The following MYH13 variants were observed in gnomAD, a reference collection of about 807,000 sequenced individuals.
The protein encoded by MYH13 is myosin-13.
In MYH13, 177 loss-of-function variants were observed where a neutral mutation model predicts 232.1. That is an observed-to-expected ratio of 0.76 (90% CI 0.67 to 0.86). The LOEUF is 0.86. Among genes scored for constraint, MYH13 ranks in the 40% least tolerant of loss-of-function variants. The pLI is 0.00. For missense variants in MYH13, 2,246 were observed against 2,405.9 expected, an observed-to-expected ratio of 0.93 and a Z score of 1.39; for synonymous variants, 884 against 923.5, an observed-to-expected ratio of 0.96 and a Z score of 0.78.
chr17:10,316,130 A>G, intron 27 of MYH13, 105 bp from the exon 28 acceptor site: 1 of 1,386,762 alleles, frequency 7.2e-7, no homozygotes, highest in South Asian at 1.4e-5. Flanking sequence ...GTAAAATAAA[A>G]ATAAAAGTAC....
In MYH13 at chr17:10,343,905, C is replaced by G; in HGVS notation, c.1789G>C (p.Asp597His). The part of the protein sequence containing the change: ...TVDYNIAGWL[D>H]KNKDPLNETV... ...TCGTTCAGGGGGTCCTTGTTTTTGT[C>G]CAGCCAGCCGGCGATGTTGTAGTCC... The change falls in exon 16 of 41, where the codon GAC becomes CAC. Residue 597 changes from aspartate (D) to histidine (H), a missense_variant. Asp to His is a moderately conservative substitution (Grantham distance 81). Coordinates refer to ENST00000252172, the MANE Select transcript of MYH13 (RefSeq NM_003802.3). The G allele has an allele frequency of 6.2e-7, 1 of 1,614,214 alleles. No individual in the cohort carries two copies. The highest frequency in any genetic ancestry group is 8.5e-7 in the Non-Finnish European group (1 of 1,180,032).
chr17:10,321,310 A>G (rs1906931074), intron 24 of MYH13, among the ~76,000 whole-genome samples: 1 of 152,120 alleles, frequency 6.6e-6, no homozygotes, highest in Non-Finnish European at 1.5e-5. Context: ...AGATGGAGCT[A>G]TTTACATCGC....
rs1219671921 is a variant in MYH13, at chr17:10,301,605, G to C, written c.5766C>G (p.Asn1922Lys). The part of the protein sequence containing the change: ...ERADIAESQV[N>K]KLRAKSRDVG... ...CGTCTCGGCTCTTGGCCCTCAGCTT[G>C]TTGACCTGGGACTCAGCGATGTCCG... Residue 1922 changes from asparagine (N) to lysine (K), a missense_variant, in exon 40 of 41, where the codon AAC (asparagine) becomes AAG (lysine). Transcript: ENST00000252172. 1.9e-6 allele frequency: 3 copies of C among 1,614,082 alleles called. No homozygotes were observed. Among genetic ancestry groups the C allele is most frequent in the Non-Finnish European group, 2.5e-6 (3 of 1,180,048 alleles).
intron 18 of MYH13, among the ~76,000 whole-genome samples, chr17:10,335,734 G>A (rs920980168): frequency 1.2e-4 from 18 of 151,926 alleles, no homozygotes; most frequent in African/African-American, 2.9e-4. Context: ...CAGCCTGAGC[G>A]ACAGAGTGAG....
Position 10,332,121 on chromosome 17 carries a change from T to C in MYH13, c.2276A>G (p.Gln759Arg), listed in dbSNP as rs752651852. ...LLNSIDVDRE[Q>R]FRFGNTKVFF... The stretch of plus-strand genomic sequence containing the variant: ...CACCTTGGTGTTGCCGAACCTGAAC[T>C]GCTCCCGGTCCACATCGATGGAGTT... The change falls in exon 20 of 41, where the codon CAG becomes CGG. Residue 759 changes from glutamine (Q) to arginine (R), a missense_variant. Gln to Arg is a conservative substitution (Grantham distance 43). Coordinates refer to ENST00000252172, the MANE Select transcript of MYH13 (RefSeq NM_003802.3). 6.2e-7 allele frequency: 1 copy of C among 1,613,998 alleles called. No homozygotes were observed. Among genetic ancestry groups the C allele is most frequent in the Admixed American group, 1.7e-5 (1 of 60,020 alleles).
Position 10,324,128 on chromosome 17 carries a change from T to C in MYH13, c.2828A>G (p.Lys943Arg), listed in dbSNP as rs906880468. 1 of 1,613,992 alleles carries C rather than the reference T, an allele frequency of 6.2e-7. No individual in the cohort carries two copies. The highest frequency in any genetic ancestry group is 1.1e-5 in the South Asian group (1 of 91,076). The stretch of plus-strand genomic sequence containing the variant: ...GCATTTATCTTCCAGATTCCTCTTC[T>C]TGGCAACCAATTCAGAATTCATCTC... ...EEEMNSELVAKKRNLEDKCSS... is the reference protein window; with the variant it reads ...EEEMNSELVARKRNLEDKCSS... Residue 943 changes from lysine to arginine, a missense_variant, in exon 23 of 41, where the codon AAG becomes AGG. Coordinates refer to ENST00000252172, the MANE Select transcript of MYH13 (RefSeq NM_003802.3).
At chr17:10,345,441 CAAG>C (rs1309703276) in intron 14 of MYH13, 23 bp downstream of exon 14, 2 of 1,614,072 alleles carry the variant, frequency 1.2e-6, no homozygotes, top group African/African-American at 1.3e-5. Context: ...GCAAAGCAGA[CAAG>C]AAAGTAGAAG....
At chr17:10,369,138 C>T (rs1234806358) in intron 2 of MYH13, among the ~76,000 whole-genome samples, 4 of 151,180 alleles carry the variant, frequency 2.6e-5, no homozygotes, top group Non-Finnish European at 5.9e-5. Context: ...TCAAAATTTG[C>T]CATCAATTAT....
chr17:10,354,836 GT>G (rs3214260), intron 10 of MYH13, 53 bp from the exon 11 acceptor site: 1,087,703 of 1,579,936 alleles, frequency 0.69, 372,602 homozygotes, highest in Non-Finnish European at 0.71. Context: ...ACTCTGGGTT[GT>G]TTTTTTTTTC....
At chr17:10,329,572 T>A (rs956343115) in intron 21 of MYH13, among the ~76,000 whole-genome samples, 1 of 152,176 alleles carries the variant, frequency 6.6e-6, no homozygotes. Flanking sequence ...TTTCTGAATG[T>A]GACACATAGG....
chr17:10,356,111 T>G (rs993901514), intron 8 of MYH13, among the ~76,000 whole-genome samples: 1 of 152,148 alleles, frequency 6.6e-6, no homozygotes, highest in East Asian at 1.9e-4. Flanking sequence ...TCAACGACAC[T>G]GTGCGCAAAT....
intron 16 of MYH13, among the ~76,000 whole-genome samples, chr17:10,342,286 T>C (rs1484317278): frequency 6.6e-6 from 1 of 152,174 alleles, no homozygotes; most frequent in Non-Finnish European, 1.5e-5. Flanking sequence ...CTTGAACTCC[T>C]GGCCTCAAAT....
At chr17:10,328,299 CAG>C (rs1359962686) in intron 21 of MYH13, among the ~76,000 whole-genome samples, 178 bp from the exon 22 acceptor site, 1 of 152,146 alleles carries the variant, frequency 6.6e-6, no homozygotes, top group Non-Finnish European at 1.5e-5. Flanking sequence ...GCAGAGGAAA[CAG>C]AGGTACGTGC....
At chr17:10,322,630 G>GTTTTT (rs769352001) in intron 23 of MYH13, among the ~76,000 whole-genome samples, 10 of 107,590 alleles carry the variant, frequency 9.3e-5, no homozygotes, top group Admixed American at 1.1e-4. Flanking sequence ...TGTTACAGTT[G>GTTTTT]TTTTTTTTTT....
At chr17:10,302,962 G>A (rs1906145548) in intron 39 of MYH13, among the ~76,000 whole-genome samples, 1 of 152,026 alleles carries the variant, frequency 6.6e-6, no homozygotes, top group Non-Finnish European at 1.5e-5. Flanking sequence ...GGATGAAGGG[G>A]ATGGAGGGGG....
At position 10,306,446 on chromosome 17, in the gene MYH13, T is replaced by C; in HGVS notation, c.5466+13A>G. The C allele has an allele frequency of 6.2e-7, 1 of 1,614,102 alleles. No individual in the cohort carries two copies. On this transcript the variant is annotated intron_variant, in intron 37 of 40. Coordinates refer to ENST00000252172, the MANE Select transcript of MYH13 (RefSeq NM_003802.3). The surrounding 1 kb of genome is among the most constrained non-coding windows in gnomAD (Gnocchi z 4.3). ...TGTCACTTTCAGAGTAACAGTCCTCTCAAAAACTCTACCCGGTTCTCCAGT... is the reference window on the plus strand; with the variant it reads ...TGTCACTTTCAGAGTAACAGTCCTCCCAAAAACTCTACCCGGTTCTCCAGT...
rs1363154164 is a variant in MYH13 at position 10,311,972 on chromosome 17, A to T, written c.4470T>A (p.Asn1490Lys). ...ACTGGTCCACCACCTCCTCATAGGC[A>T]TTCCTCATCTTGAAGAGTTCAGTGC... is the stretch of plus-strand genomic sequence containing the variant. ...SLSTELFKMR[N>K]AYEEVVDQLE... is the part of the protein sequence containing the mutation. The change falls in exon 32 of 41, where the codon AAT becomes AAA. Residue 1490 changes from asparagine (N) to lysine (K), a missense_variant. Coordinates refer to ENST00000252172, the MANE Select transcript of MYH13 (RefSeq NM_003802.3). 6.2e-7 allele frequency: 1 copy of T among 1,613,912 alleles called. No homozygotes were observed. The highest frequency in any genetic ancestry group is 8.5e-7 in the Non-Finnish European group (1 of 1,179,900).
At chr17:10,311,775 C>T in intron 32 of MYH13, 136 bp downstream of exon 32, 1 of 1,025,096 alleles carries the variant, frequency 9.8e-7, no homozygotes, top group Non-Finnish European at 1.4e-6. Flanking sequence ...CAAACTGAGT[C>T]AATGTGAGGC....
In MYH13 at chr17:10,320,161, C is replaced by G. The variant is rs769105997; in HGVS notation, c.3340G>C (p.Glu1114Gln). 2 of 1,584,610 alleles carry G rather than the reference C, an allele frequency of 1.3e-6. No individual in the cohort carries two copies. The highest frequency in any genetic ancestry group is 2.3e-5 in the South Asian group (2 of 86,920). The change falls in exon 26 of 41, where the codon GAA (glutamate) becomes CAA (glutamine). Residue 1114 changes from glutamate (E) to glutamine (Q), a missense_variant. Coordinates refer to ENST00000252172, the MANE Select transcript of MYH13 (RefSeq NM_003802.3). ...HSLQFQKKIK[E>Q]LQARIEELEE... ...GGTTTTGATGCTTTTACTTGCAGTT[C>G]TTTAATCTTCTTTTGAAACTGCAAA... is the stretch of plus-strand genomic sequence containing the variant.
Sources: gnomAD v4.1 joint callset for allele counts (sites outside exome capture counted in the v4.1 genomes callset) on GRCh38, gnomAD v4.1.1 for gene constraint, Gnocchi (gnomAD v3.1) non-coding constraint, MANE v1.5 for transcripts, NCBI Gene and HGNC (gene_info 2026-07-23, HGNC 2026-07-21) for gene names.